Variants in MACF1 observed in about 807,000 individuals in gnomAD.
MACF1 encodes the protein microtubule-actin cross-linking factor 1.
A neutral mutation model predicts 854.8 loss-of-function variants in MACF1; 193 were observed. The observed-to-expected ratio is 0.23, with a 90% CI of 0.20 to 0.25. The LOEUF is 0.25. Among genes scored for constraint, MACF1 ranks in the 10% least tolerant of loss-of-function variants. MACF1 has a pLI of 1.00. For missense variants in MACF1, 7,722 were observed against 8,929.1 expected, an observed-to-expected ratio of 0.86 and a Z score of 5.45; for synonymous variants, 3,185 against 3,226.7, an observed-to-expected ratio of 0.99 and a Z score of 0.44.
intron 92 of MACF1, among the ~76,000 whole-genome samples, chr1:39,461,251 T>C (rs1644546147): frequency 6.6e-6 from 1 of 152,168 alleles, no homozygotes; most frequent in African/African-American, 2.4e-5. Flanking sequence ...ATAGGAAAAC[T>C]TCATGCTATT....
chr1:39,145,263 A>C (rs1643436806), intron 2 of MACF1, among the ~76,000 whole-genome samples: 1 of 152,106 alleles, frequency 6.6e-6, no homozygotes, highest in African/African-American at 2.4e-5. Context: ...CATTCTCTTC[A>C]AACTTGTTGC....
intron 97 of MACF1, among the ~76,000 whole-genome samples, chr1:39,475,469 A>C (rs1570217390): frequency 2.1e-4 from 2 of 9,480 alleles, no homozygotes; most frequent in African/African-American, 2.8e-4. Context: ...ACCCTGTCTC[A>C]AAAAAAAAAA....
At chr1:39,344,780 A>G (rs1302812838) in intron 40 of MACF1, among the ~76,000 whole-genome samples, 1 of 152,188 alleles carries the variant, frequency 6.6e-6, no homozygotes, top group Non-Finnish European at 1.5e-5. Context: ...CTTAGTGCGC[A>G]TGCTTGAGCC....
chr1:39,442,638 A>G, intron 77 of MACF1, 71 bp downstream of exon 77: 1 of 1,606,704 alleles, frequency 6.2e-7, no homozygotes, highest in South Asian at 1.1e-5. Context: ...GCAGCCTTTG[A>G]ATGTTGTGTA....
At chr1:39,303,368 T>TG (rs1299110117) in intron 23 of MACF1, among the ~76,000 whole-genome samples, 1 of 152,104 alleles carries the variant, frequency 6.6e-6, no homozygotes, top group East Asian at 1.9e-4. Flanking sequence ...CTGGTCAACA[T>TG]GGTAAAACCT....
chr1:39,301,809 A>G (rs924450148), intron 22 of MACF1, among the ~76,000 whole-genome samples: 3 of 152,128 alleles, frequency 2.0e-5, no homozygotes, highest in African/African-American at 7.2e-5. Context: ...AAAAAGCCGA[A>G]ACTCCTTAAT....
intron 98 of MACF1, 69 bp downstream of exon 98, chr1:39,480,078 A>G: frequency 7.2e-7 from 1 of 1,386,412 alleles, no homozygotes; most frequent in South Asian, 1.2e-5. Context: ...TGTTCACGGT[A>G]GCCTCTGAAA....
At chr1:39,346,762 G>A (rs2490943) in intron 40 of MACF1, among the ~76,000 whole-genome samples, 90,533 of 151,700 alleles carry the variant, frequency 0.6, 29,087 homozygotes, top group South Asian at 0.78. Flanking sequence ...CTTGTGATCC[G>A]CCCACCTTGG....
chr1:39,314,569 TCACACACACACA>T (rs58459573), intron 26 of MACF1, among the ~76,000 whole-genome samples: 2 of 65,306 alleles, frequency 3.1e-5, no homozygotes, highest in African/African-American at 9.4e-5. Context: ...TCTCTCTCTC[TCACACACACACA>T]CACACACACA....
intron 58 of MACF1, chr1:39,412,148 A>G (rs759388858): frequency 1.2e-6 from 2 of 1,614,002 alleles, no homozygotes; most frequent in Non-Finnish European, 1.7e-6. Context: ...GCCAAAGACA[A>G]TGGCAGTTTG....
At chr1:39,458,570 A>C in intron 90 of MACF1, 80 bp downstream of exon 90, 1 of 1,485,612 alleles carries the variant, frequency 6.7e-7, no homozygotes, top group Non-Finnish European at 9.0e-7. Flanking sequence ...CTATCAAAAA[A>C]AATTATATTC....
intron 2 of MACF1, among the ~76,000 whole-genome samples, chr1:39,119,646 G>T (rs550746388): frequency 3.9e-5 from 6 of 152,134 alleles, no homozygotes; most frequent in African/African-American, 1.2e-4. Context: ...CACAGATGTT[G>T]CATACTTGAT....
rs190111891 is a variant in MACF1 at position 39,221,944 on chromosome 1, C to T, written c.110-9238C>T. Among the ~76,000 whole-genome samples, 310 of 152,240 alleles carry T rather than the reference C, an allele frequency of 2.0e-3. 2 individuals are homozygous for T. The highest frequency in any genetic ancestry group is 7.2e-3 in the African/African-American group (298 of 41,550). On this transcript the variant is annotated intron_variant, in intron 1 of 100. Transcript: ENST00000564288. ...TCTGCTTTGTCTACTTAATTAAGTA[C>T]GTACTCCTTACTCTAGCTTTCTGGG...
Position 39,445,756 on chromosome 1 carries a change from T to G in MACF1, c.19605+921T>G, listed in dbSNP as rs147076799. ...GGAGGATTGCTTAACACCAGGAGTT[T>G]GAGACCAGCCTGGGCAATATAGCAA... is the stretch of plus-strand genomic sequence containing the variant. On this transcript the variant is annotated intron_variant, in intron 80 of 100. Coordinates refer to ENST00000564288, the MANE Select transcript of MACF1 (RefSeq NM_001394062.1). Among the ~76,000 whole-genome samples the G allele has an allele frequency of 5.2e-3, 790 of 152,224 alleles. 6 individuals are homozygous for G. Among genetic ancestry groups the G allele is most frequent in the African/African-American group, 0.018 (730 of 41,528 alleles).
In MACF1 at chr1:39,310,836, A is replaced by C. The variant is rs752839611; in HGVS notation, c.3106A>C (p.Lys1036Gln). Residue 1036 changes from lysine to glutamine, a missense_variant, in exon 26 of 101, where the codon AAA becomes CAA. By Grantham distance (53) the Lys-to-Gln change is moderately conservative. Coordinates refer to ENST00000564288, the MANE Select transcript of MACF1 (RefSeq NM_001394062.1). Reference protein sequence around the residue: ...HLMKSMENEDKEETVAKMYIS... With the variant: ...HLMKSMENEDQEETVAKMYIS... ...TTGTGTTTGTTCATTCACAGAGGAC[A>C]AAGAGGAGACTGTGGCCAAGATGTA... 1.2e-6 allele frequency: 2 copies of C among 1,610,494 alleles called. No homozygotes were observed. The highest frequency in any genetic ancestry group is 3.4e-5 in the Admixed American group (2 of 59,568).
At chr1:39,453,082 A>T (rs1009949887) in intron 87 of MACF1, among the ~76,000 whole-genome samples, 6 of 152,174 alleles carry the variant, frequency 3.9e-5, no homozygotes, top group Non-Finnish European at 8.8e-5. Flanking sequence ...AAAAATGTTG[A>T]CTATTTCATC....
intron 35 of MACF1, among the ~76,000 whole-genome samples, chr1:39,326,139 G>C (rs141375955): frequency 1.9e-3 from 296 of 152,104 alleles, no homozygotes; most frequent in Middle Eastern, 6.8e-3. Flanking sequence ...TTAATAGAGA[G>C]GACTGATAGA....
intron 15 of MACF1, among the ~76,000 whole-genome samples, chr1:39,288,764 C>G (rs1330810860): frequency 6.6e-6 from 1 of 152,110 alleles, no homozygotes; most frequent in African/African-American, 2.4e-5. Flanking sequence ...TGCGCTCCAG[C>G]CTGGGCAACA....
chr1:39,242,377 C>T (rs1316234763), intron 2 of MACF1, among the ~76,000 whole-genome samples: 1 of 150,134 alleles, frequency 6.7e-6, no homozygotes, highest in Non-Finnish European at 1.5e-5. Flanking sequence ...AGACAGCAGA[C>T]CCCTCCTTGA....
Sources: allele counts gnomAD v4.1 joint callset (sites outside exome capture counted in the v4.1 genomes callset), GRCh38; gene constraint gnomAD v4.1.1; transcripts MANE v1.5; gene names NCBI Gene and HGNC (gene_info 2026-07-23, HGNC 2026-07-21).